Variants in FIGN observed in about 807,000 individuals in gnomAD.
The protein encoded by FIGN is fidgetin.
In FIGN, 11 loss-of-function variants were observed where a neutral mutation model predicts 51.3. That is an observed-to-expected ratio of 0.21 (90% CI 0.13 to 0.35). The LOEUF (loss-of-function observed/expected upper bound fraction) is 0.35, where lower values mean the gene tolerates loss of function less well. Among genes scored for constraint, FIGN ranks in the 10% least tolerant of loss-of-function variants. The pLI, the probability that FIGN is intolerant of heterozygous loss-of-function variation, is 1.00. For synonymous variants in FIGN, 407 were observed against 363.2 expected (o/e 1.12, Z -1.37); for missense variants, 857 against 943.6 (o/e 0.91, Z 1.20).
chr2:163,687,023 AC>A (rs1437315276), intron 2 of FIGN, among the ~76,000 whole-genome samples: 2 of 152,224 alleles, frequency 1.3e-5, no homozygotes, highest in Non-Finnish European at 2.9e-5. Flanking sequence ...ACACACACAC[AC>A]ACACACACAC....
At chr2:163,735,182 T>C in intron 1 of FIGN, 110 bp from the exon 2 acceptor site, 1 of 490,198 alleles carries the variant, frequency 2.0e-6, no homozygotes, top group Non-Finnish European at 3.6e-6. Context: ...CAAGTCCATG[T>C]CAATTTCACT....
chr2:163,618,592 G>A (rs1026284111), intron 2 of FIGN, among the ~76,000 whole-genome samples: 2 of 150,804 alleles, frequency 1.3e-5, no homozygotes, highest in African/African-American at 4.9e-5. Context: ...TCGACTTTAT[G>A]TTTTAAAAGA....
intron 2 of FIGN, among the ~76,000 whole-genome samples, chr2:163,618,154 G>A (rs922622494): frequency 4.6e-5 from 7 of 152,030 alleles, no homozygotes; most frequent in Non-Finnish European, 8.8e-5. Flanking sequence ...TGTTTTCAAA[G>A]TATTTTATTT....
chr2:163,628,999 G>A (rs1394300840), intron 2 of FIGN, among the ~76,000 whole-genome samples: 1 of 152,122 alleles, frequency 6.6e-6, no homozygotes, highest in African/African-American at 2.4e-5. Context: ...GTTTTAGCTT[G>A]TACAAGCAAT....
intron 2 of FIGN, among the ~76,000 whole-genome samples, chr2:163,720,723 G>T (rs1684742726): frequency 6.6e-6 from 1 of 152,076 alleles, no homozygotes; most frequent in South Asian, 2.1e-4. Flanking sequence ...GGTCCATTCA[G>T]AATGAAAGAG....
At chr2:163,732,206 A>C (rs985037452) in intron 2 of FIGN, among the ~76,000 whole-genome samples, 14 of 152,172 alleles carry the variant, frequency 9.2e-5, no homozygotes, top group African/African-American at 3.4e-4. Flanking sequence ...CTCTATTTTT[A>C]AGCTGAAATT....
chr2:163,612,596 A>C (rs902204891), intron 2 of FIGN: 35 of 984,676 alleles, frequency 3.6e-5, no homozygotes, highest in Non-Finnish European at 4.2e-5. Flanking sequence ...TGAAAAAAAA[A>C]ACAAGCATCA....
intron 2 of FIGN, among the ~76,000 whole-genome samples, chr2:163,661,668 G>A (rs1683686725): frequency 6.6e-6 from 1 of 152,178 alleles, no homozygotes. Flanking sequence ...CCCATGTGTT[G>A]TGGGAGAGAC....
At chr2:163,650,566 G>A (rs1683457170) in intron 2 of FIGN, among the ~76,000 whole-genome samples, 1 of 151,242 alleles carries the variant, frequency 6.6e-6, no homozygotes, top group Admixed American at 6.6e-5. Context: ...ACAGGCCCCA[G>A]TGTGAGATGT....
intron 2 of FIGN, among the ~76,000 whole-genome samples, chr2:163,640,270 T>C (rs1460702681): frequency 6.6e-6 from 1 of 152,152 alleles, no homozygotes; most frequent in East Asian, 1.9e-4. Context: ...ACATTAAACT[T>C]AAGAACATTT....
intron 2 of FIGN, among the ~76,000 whole-genome samples, chr2:163,732,753 A>C (rs2105370286): frequency 6.6e-6 from 1 of 152,324 alleles, no homozygotes; most frequent in South Asian, 2.1e-4. Context: ...CTGTTGTATT[A>C]AATTTAGGAT....
chr2:163,681,598 C>A (rs570979857), intron 2 of FIGN, among the ~76,000 whole-genome samples: 1 of 152,178 alleles, frequency 6.6e-6, no homozygotes, highest in African/African-American at 2.4e-5. Flanking sequence ...GGCAAAGGAA[C>A]ACATGATGAC....
Position 163,671,600 on chromosome 2 carries a change from TA to T in FIGN, c.26-59795del, listed in dbSNP as rs372752841. 2.4e-3 allele frequency among the ~76,000 whole-genome samples: 362 copies of T among 152,350 alleles called. 8 individuals are homozygous for T. In the South Asian group the frequency reaches 0.05, roughly 21 times the overall value. ...AAGATAACTCACAAAATTACCCATGTAGTTTAAAAAATTGATTACCCATAAA... is the reference window on the plus strand; with the variant it reads ...AAGATAACTCACAAAATTACCCATGTGTTTAAAAAATTGATTACCCATAAA... On this transcript the variant is annotated intron_variant, in intron 2 of 2. Coordinates refer to ENST00000333129, the MANE Select transcript of FIGN (RefSeq NM_018086.4).
At position 163,611,457 on chromosome 2, in the gene FIGN, C is replaced by T. The variant is rs771803202; in HGVS notation, c.375G>A (p.Pro125=). 6 of 1,614,102 alleles carry T rather than the reference C, an allele frequency of 3.7e-6. No homozygotes were observed. The highest frequency in any genetic ancestry group is 1.7e-5 in the Admixed American group (1 of 60,022). ...CAGCTTTGCTGGCAGTGATAACATC[C>T]GGAACACAGTTCATGGGATAAACAG... ...SEAVYPMNCV[P]DVITASKAGV... is the part of the protein sequence containing the mutation. Residue 125 remains proline (P), a synonymous_variant, in exon 3 of 3, where the codon CCG becomes CCA. Transcript: ENST00000333129.
intron 2 of FIGN, among the ~76,000 whole-genome samples, chr2:163,642,969 A>T (rs567127814): frequency 6.6e-6 from 1 of 152,334 alleles, no homozygotes; most frequent in African/African-American, 2.4e-5. Flanking sequence ...CTTCAAATTA[A>T]TGTGTAGATT....
At position 163,617,271 on chromosome 2, in the gene FIGN, C is replaced by T. The variant is rs958054171; in HGVS notation, c.26-5465G>A. 3.3e-5 allele frequency: 32 copies of T among 977,198 alleles called. No individual in the cohort carries two copies. The Middle Eastern group carries it at 3.2e-3, about 97-fold the overall frequency. The allele number at this position is 977,198 out of a possible 1,614,324, so 60.5% of individuals were successfully genotyped here. ...TAATTTTGTTCCATCTTTAGAGGAC[C>T]AAAATTAGAAGATTTTATAAGCTGA... On this transcript the variant is annotated intron_variant, in intron 2 of 2. Transcript: ENST00000333129.
intron 2 of FIGN, among the ~76,000 whole-genome samples, chr2:163,709,544 T>C (rs1684554516): frequency 6.6e-6 from 1 of 152,092 alleles, no homozygotes; most frequent in African/African-American, 2.4e-5. Context: ...ATATCTAGAC[T>C]TTTTTTCTTC....
At chr2:163,665,262 A>G (rs1280997201) in intron 2 of FIGN, among the ~76,000 whole-genome samples, 1 of 152,252 alleles carries the variant, frequency 6.6e-6, no homozygotes. Flanking sequence ...TGCTCACTCC[A>G]TCCATAGCCT....
In FIGN at chr2:163,606,772, A is replaced by G. The variant is rs1053602536; in HGVS notation, c.*2780T>C. ...TCCAACAGATCTTCATTTCTTCAAC[A>G]TGCCCAATTTCCTAAGAGATCAAAT... On this transcript the variant is annotated 3_prime_UTR_variant, in exon 3 of 3. Coordinates refer to ENST00000333129, the MANE Select transcript of FIGN (RefSeq NM_018086.4). 3.3e-5 allele frequency: 5 copies of G among 152,194 alleles called. No homozygotes were observed. Among genetic ancestry groups the G allele is most frequent in the African/African-American group, 1.2e-4 (5 of 41,452 alleles). The allele number at this position is 152,194 out of a possible 1,614,324, so 9.4% of individuals were successfully genotyped here. A position where few individuals can be genotyped will look rare whatever the true frequency, so the allele number is the denominator to read the frequency against.
Sources: gnomAD v4.1 joint callset for allele counts (sites outside exome capture counted in the v4.1 genomes callset) on GRCh38, gnomAD v4.1.1 for gene constraint, MANE v1.5 for transcripts, NCBI Gene and HGNC (gene_info 2026-07-23, HGNC 2026-07-21) for gene names.